PSG5: variants seen among roughly 807,000 people sequenced by gnomAD.
The protein encoded by PSG5 is pregnancy-specific beta-1-glycoprotein 5.
A neutral mutation model predicts 37.7 loss-of-function variants in PSG5; 53 were observed. The ratio of observed to expected loss-of-function variants is 1.41; its 90% CI spans 1.13 to 1.77. PSG5 has a LOEUF of 1.77. PSG5 is among the 40% of genes most tolerant of loss of function. The pLI is 0.00. For synonymous variants in PSG5, 221 were observed against 155.4 expected (o/e 1.42, Z -3.14); for missense variants, 547 against 405.2 (o/e 1.35, Z -3.00).
At chr19:43,177,213 G>A (rs1262975957) in intron 2 of PSG5, among the ~76,000 whole-genome samples, 23 of 151,742 alleles carry the variant, frequency 1.5e-4, no homozygotes, top group Non-Finnish European at 2.5e-4. Flanking sequence ...AGAATCAGAA[G>A]TTGTTCATGG....
intron 2 of PSG5, chr19:43,183,559 A>C: frequency 6.1e-6 from 3 of 494,266 alleles, no homozygotes; most frequent in South Asian, 4.5e-5. Flanking sequence ...TTTCAGGTTC[A>C]GTGATGGGGG....
chr19:43,185,017 G>A lies in PSG5; in HGVS notation c.195C>T (p.Tyr65=). The part of the protein sequence containing the change: ...VHNLPQNLAG[Y]IWYKGQLMDL... ...CCATCAGTTGTCCTTTGTACCAGAT[G>A]TAGCCAGCAAGATTCTGAGGCAAAT... The change falls in exon 2 of 6, where the codon TAC becomes TAT. Residue 65 remains tyrosine, a synonymous_variant. Coordinates refer to ENST00000342951, the MANE Select transcript of PSG5 (RefSeq NM_002781.4). The A allele has an allele frequency of 6.2e-7, 1 of 1,612,628 alleles. No individual in the cohort carries two copies.
At chr19:43,178,430 G>T (rs533004348) in intron 2 of PSG5, among the ~76,000 whole-genome samples, 2 of 151,910 alleles carry the variant, frequency 1.3e-5, no homozygotes, top group South Asian at 2.1e-4. Context: ...GACTTCCCCT[G>T]TATGGTAATA....
Position 43,175,955 on chromosome 19 carries a change from C to T in PSG5, c.624G>A (p.Thr208=), listed in dbSNP as rs779008783. Residue 208 remains threonine, a synonymous_variant, in exon 3 of 6, where the codon ACG becomes ACA. Transcript: ENST00000342951. ...ENRILILPSV[T]RNETGPYECE... is the part of the protein sequence containing the mutation. ...ATTCATAGGGTCCTGTTTCATTTCTCGTGACACTGGGTAGAATGAGGATCC... is the reference window on the plus strand; with the variant it reads ...ATTCATAGGGTCCTGTTTCATTTCTTGTGACACTGGGTAGAATGAGGATCC... 8 of 1,612,268 alleles carry T rather than the reference C, an allele frequency of 5.0e-6. No individual in the cohort carries two copies. The highest frequency in any genetic ancestry group is 2.2e-5 in the South Asian group (2 of 91,026).
intron 4 of PSG5, chr19:43,174,128 A>T (rs1325098393): frequency 6.6e-6 from 1 of 151,780 alleles, no homozygotes; most frequent in Non-Finnish European, 1.5e-5. Flanking sequence ...GATAATTATC[A>T]TATAATTCCA....
intron 2 of PSG5, among the ~76,000 whole-genome samples, chr19:43,177,751 CA>C (rs1374049248): frequency 2.0e-5 from 3 of 151,448 alleles, no homozygotes; most frequent in African/African-American, 4.9e-5. Context: ...TCTAATTCTG[CA>C]AAAAATGTTA....
chr19:43,169,336 A>G (rs1968854400), intron 5 of PSG5, among the ~76,000 whole-genome samples: 1 of 151,628 alleles, frequency 6.6e-6, no homozygotes, highest in Non-Finnish European at 1.5e-5. Context: ...TCACATGTTA[A>G]TCCTAAAGTC....
At chr19:43,181,220 T>C (rs1969121491) in intron 2 of PSG5, among the ~76,000 whole-genome samples, 1 of 151,652 alleles carries the variant, frequency 6.6e-6, no homozygotes, top group African/African-American at 2.4e-5. Context: ...AATATTCACA[T>C]TACGTGTATC....
intron 4 of PSG5, chr19:43,170,546 C>G (rs984016923): frequency 4.8e-6 from 2 of 417,334 alleles, no homozygotes; most frequent in South Asian, 2.1e-5. Context: ...AGAAGGCCCA[C>G]GTCCGTGCAT....
At chr19:43,183,883 A>G (rs546960919) in intron 2 of PSG5, among the ~76,000 whole-genome samples, 2 of 149,302 alleles carry the variant, frequency 1.3e-5, no homozygotes, top group African/African-American at 2.5e-5. Context: ...TTTTCTCTCA[A>G]TCAAATAAGC....
chr19:43,175,063 A>T, intron 4 of PSG5, 152 bp downstream of exon 4: 1 of 1,558,130 alleles, frequency 6.4e-7, no homozygotes, highest in Admixed American at 1.9e-5. Flanking sequence ...GAGTTTGTAG[A>T]GACAAATTGG....
chr19:43,184,674 A>T (rs1969203784), intron 2 of PSG5, 108 bp downstream of exon 2: 3 of 1,568,988 alleles, frequency 1.9e-6, no homozygotes, highest in Admixed American at 1.7e-5. Context: ...AGCATGGGAC[A>T]TAATGCAGAG....
At chr19:43,184,426 G>T (rs550943840) in intron 2 of PSG5, among the ~76,000 whole-genome samples, 1 of 151,728 alleles carries the variant, frequency 6.6e-6, no homozygotes, top group South Asian at 2.1e-4. Context: ...TTCTCTGAGG[G>T]TCTCAGGGGG....
At chr19:43,174,971 C>A (rs1415650355) in intron 4 of PSG5, 3 of 1,369,678 alleles carry the variant, frequency 2.2e-6, no homozygotes, top group Non-Finnish European at 2.9e-6. Flanking sequence ...ACATAGGGCT[C>A]AGGGCTGATA....
chr19:43,181,459 A>G (rs1237258048), intron 2 of PSG5, among the ~76,000 whole-genome samples: 2 of 151,394 alleles, frequency 1.3e-5, no homozygotes, highest in African/African-American at 2.4e-5. Context: ...TCATTTCTCT[A>G]ACAGCATTTT....
At chr19:43,178,862 G>A (rs1450760352) in intron 2 of PSG5, 4 of 1,612,906 alleles carry the variant, frequency 2.5e-6, no homozygotes, top group East Asian at 2.2e-5. Flanking sequence ...GCTCACAGAG[G>A]AACAGAGGAT....
In PSG5 at chr19:43,186,389, G is replaced by A. The variant is rs1238338729; in HGVS notation, c.17C>T (p.Ala6Val). ...GGTGATGTGCTGTGTGCAGGGAGGG[G>A]CTGAGAGGGGCCCCATGGTCTCTGC... MGPLS[A>V]PPCTQHITWK... is the part of the protein sequence containing the mutation. The change falls in exon 1 of 6, where the codon GCC (alanine) becomes GTC (valine). Residue 6 changes from alanine (A) to valine (V), a missense_variant. Ala to Val is a moderately conservative substitution (Grantham distance 64). Coordinates refer to ENST00000342951, the MANE Select transcript of PSG5 (RefSeq NM_002781.4). 1.2e-6 allele frequency: 2 copies of A among 1,612,098 alleles called. No homozygotes were observed. The highest frequency in any genetic ancestry group is 2.2e-5 in the East Asian group (1 of 44,868).
chr19:43,175,269 G>T lies in PSG5; in HGVS notation c.910C>A (p.Arg304Ser), dbSNP rs150587441. Reference sequence around the variant, plus strand: ...CTTTCCTTGCCAGTAGCTGAGTTACGAACAGAGCAAGTATAGAGCCCTCTA... The same window carrying T: ...CTTTCCTTGCCAGTAGCTGAGTTACTAACAGAGCAAGTATAGAGCCCTCTA... ...KHRGLYTCSVRNSATGKESSK... is the reference protein window; with the variant it reads ...KHRGLYTCSVSNSATGKESSK... Residue 304 changes from arginine to serine, a missense_variant, in exon 4 of 6, where the codon CGT (arginine) becomes AGT (serine). Arg to Ser is a moderately radical substitution (Grantham distance 110). Coordinates refer to ENST00000342951, the MANE Select transcript of PSG5 (RefSeq NM_002781.4). 1.2e-6 allele frequency: 2 copies of T among 1,612,722 alleles called. No individual in the cohort carries two copies. The highest frequency in any genetic ancestry group is 4.5e-5 in the East Asian group (2 of 44,870).
chr19:43,176,035 G>A lies in PSG5; in HGVS notation c.544C>T (p.Leu182=), dbSNP rs1230714119. The A allele has an allele frequency of 8.7e-6, 14 of 1,611,122 alleles. No individual in the cohort carries two copies. The East Asian group carries it at 2.0e-4, about 23-fold the overall frequency. The change falls in exon 3 of 6, where the codon CTA becomes TTA. Residue 182 remains leucine (L), a synonymous_variant. Coordinates refer to ENST00000342951, the MANE Select transcript of PSG5 (RefSeq NM_002781.4). ...CTGACCGGGAGGCTCTGACCATTTA[G>A]CCACCAAATGTAGGTGTAGTTCTCA... is the stretch of plus-strand genomic sequence containing the variant. The part of the protein sequence containing the change: ...KSENYTYIWW[L]NGQSLPVSPR...
Sources: allele counts gnomAD v4.1 joint callset (sites outside exome capture counted in the v4.1 genomes callset), GRCh38; gene constraint gnomAD v4.1.1; transcripts MANE v1.5; gene names NCBI Gene and HGNC (gene_info 2026-07-23, HGNC 2026-07-21).